Variants in CCDC7 observed in about 807,000 individuals in gnomAD.
CCDC7 encodes coiled-coil domain containing 7.
Under a neutral mutation model 196.9 loss-of-function variants are expected in CCDC7, and 183 were observed. That is an observed-to-expected ratio of 0.93 (90% confidence interval 0.82 to 1.05). The LOEUF is 1.05. Ranked by LOEUF, CCDC7 falls within the 50% of genes least tolerant of loss-of-function variation. The pLI is 0.00. For missense variants in CCDC7, 1,540 were observed against 1,482.2 expected, an observed-to-expected ratio of 1.04 and a Z score of -0.64; for synonymous variants, 525 against 484.6, an observed-to-expected ratio of 1.08 and a Z score of -1.10.
At chr10:32,873,947 T>A (rs1037138055) in intron 41 of CCDC7, among the ~76,000 whole-genome samples, 7 of 151,874 alleles carry the variant, frequency 4.6e-5, no homozygotes, top group Middle Eastern at 3.4e-3. Flanking sequence ...ATTGATATTT[T>A]AAAATGAGAA....
At position 32,511,811 on chromosome 10, in the gene CCDC7, G is replaced by T; in HGVS notation, c.873-6134G>T. On this transcript the variant is annotated intron_variant, in intron 9 of 41. Coordinates refer to ENST00000639629, the Ensembl canonical transcript of CCDC7. ...CGGGCAACGATGACGACAATGACGC[G>T]CCAGCTCTGCCCGCGCCACCAGCGG... 3 of 999,038 alleles carry T rather than the reference G, an allele frequency of 3.0e-6. 1 individual carries two copies. The highest frequency in any genetic ancestry group is 4.7e-6 in the Non-Finnish European group (3 of 642,142). The allele number at this position is 999,038 out of a possible 1,614,324, so 61.9% of individuals were successfully genotyped here.
At chr10:32,633,066 T>C (rs983596106) in intron 18 of CCDC7, among the ~76,000 whole-genome samples, 11 of 152,292 alleles carry the variant, frequency 7.2e-5, no homozygotes, top group African/African-American at 2.4e-4. Context: ...ATGATTGTTG[T>C]AGTATCTATC....
At chr10:32,609,187 C>T (rs2061837354) in intron 18 of CCDC7, among the ~76,000 whole-genome samples, 1 of 152,058 alleles carries the variant, frequency 6.6e-6, no homozygotes, top group African/African-American at 2.4e-5. Context: ...GTCTAGATGA[C>T]CTGTCCAATG....
chr10:32,522,902 A>G (rs1239676115), intron 11 of CCDC7, among the ~76,000 whole-genome samples: 1 of 151,788 alleles, frequency 6.6e-6, no homozygotes, highest in Non-Finnish European at 1.5e-5. Flanking sequence ...TTCCCTTCTT[A>G]ATTTCTTCAT....
intron 25 of CCDC7, among the ~76,000 whole-genome samples, chr10:32,713,421 A>G (rs1268395743): frequency 6.6e-6 from 1 of 152,216 alleles, no homozygotes; most frequent in African/African-American, 2.4e-5. Context: ...GGGACCTTGT[A>G]CTAACCCCTA....
intron 18 of CCDC7, among the ~76,000 whole-genome samples, chr10:32,620,818 C>A (rs1424928871): frequency 6.6e-6 from 1 of 152,154 alleles, no homozygotes; most frequent in Non-Finnish European, 1.5e-5. Context: ...GGTCTACAGT[C>A]ATTGTTACTA....
intron 18 of CCDC7, among the ~76,000 whole-genome samples, chr10:32,630,436 G>C (rs1319863600): frequency 6.6e-6 from 1 of 151,982 alleles, no homozygotes; most frequent in Admixed American, 6.6e-5. Context: ...TTAATATAAG[G>C]TGCTGTTCTC....
chr10:32,777,177 C>T (rs1299751791), intron 28 of CCDC7, among the ~76,000 whole-genome samples: 3 of 152,156 alleles, frequency 2.0e-5, no homozygotes, highest in Non-Finnish European at 4.4e-5. Context: ...TAATGGCCTC[C>T]AGCTGCATCC....
intron 28 of CCDC7, among the ~76,000 whole-genome samples, chr10:32,735,450 A>G (rs2084703115): frequency 6.6e-6 from 1 of 152,148 alleles, no homozygotes. Context: ...TTGTTGATTT[A>G]ATTTACAATT....
At chr10:32,833,881 A>G (rs1385333912) in intron 32 of CCDC7, among the ~76,000 whole-genome samples, 1 of 152,082 alleles carries the variant, frequency 6.6e-6, no homozygotes, top group Non-Finnish European at 1.5e-5. Context: ...CTACTCTATG[A>G]TGTCTGGGTC....
intron 21 of CCDC7, among the ~76,000 whole-genome samples, chr10:32,666,608 T>C (rs58693350): frequency 0.017 from 2,605 of 149,820 alleles, 79 homozygotes; most frequent in African/African-American, 0.061. Context: ...TTCCTACCTA[T>C]GAGTGAGAAC....
intron 9 of CCDC7, among the ~76,000 whole-genome samples, chr10:32,498,686 T>C (rs879773927): frequency 8.5e-5 from 13 of 152,186 alleles, no homozygotes; most frequent in Non-Finnish European, 1.9e-4. Flanking sequence ...AAAATTCTTT[T>C]CTTTAAGAAT....
chr10:32,837,284 CAAAA>C lies in CCDC7; in HGVS notation c.3352+2387_3352+2390del, dbSNP rs550804504. The stretch of plus-strand genomic sequence containing the variant: ...GCGAAGGATGTGAACAGACACTTCT[CAAAA>C]GAAGACATTTATGCAGCCAAAAGAC... On this transcript the variant is annotated intron_variant, in intron 33 of 41. Coordinates refer to ENST00000639629, the Ensembl canonical transcript of CCDC7. 3.8e-4 allele frequency among the ~76,000 whole-genome samples: 58 copies of C among 152,276 alleles called. No individual in the cohort carries two copies. In the East Asian group the frequency reaches 0.011, roughly 29 times the overall value.
intron 9 of CCDC7, among the ~76,000 whole-genome samples, chr10:32,492,815 T>C (rs2042346941): frequency 6.6e-6 from 1 of 152,074 alleles, no homozygotes; most frequent in African/African-American, 2.4e-5. Context: ...CTTAAAATGA[T>C]TAAGATGGTA....
At chr10:32,688,050 G>A (rs1300224521) in intron 22 of CCDC7, among the ~76,000 whole-genome samples, 1 of 152,102 alleles carries the variant, frequency 6.6e-6, no homozygotes, top group East Asian at 1.9e-4. Flanking sequence ...AGAAAGGAGA[G>A]TGCCTCTAGT....
chr10:32,588,843 AT>A (rs1050403296), intron 18 of CCDC7, among the ~76,000 whole-genome samples: 10 of 151,248 alleles, frequency 6.6e-5, no homozygotes, highest in African/African-American at 2.4e-4. Context: ...GTCTGTTCAG[AT>A]TTTCTTTTTT....
intron 9 of CCDC7, among the ~76,000 whole-genome samples, chr10:32,502,069 C>T (rs1021747721): frequency 3.9e-5 from 6 of 152,108 alleles, no homozygotes; most frequent in African/African-American, 1.4e-4. Flanking sequence ...ATGGTGGATG[C>T]CCCTCCCCCT....
At chr10:32,612,397 G>A (rs938962373) in intron 18 of CCDC7, among the ~76,000 whole-genome samples, 8 of 151,984 alleles carry the variant, frequency 5.3e-5, no homozygotes, top group Non-Finnish European at 1.0e-4. Context: ...CATCCTATTC[G>A]AATACCCTTA....
chr10:32,566,868 G>GAT (rs369657625), intron 14 of CCDC7, among the ~76,000 whole-genome samples: 11,618 of 142,752 alleles, frequency 0.081, 776 homozygotes, highest in African/African-American at 0.19. Flanking sequence ...AAACCCCGCA[G>GAT]ATATATATAT....
Sources: allele counts gnomAD v4.1 joint callset (sites outside exome capture counted in the v4.1 genomes callset), GRCh38; gene constraint gnomAD v4.1.1; transcripts MANE v1.5; gene names NCBI Gene and HGNC (gene_info 2026-07-23, HGNC 2026-07-21).